The following TICRR variants were observed in gnomAD, a reference collection of about 807,000 sequenced individuals.
The protein encoded by TICRR is treslin.
Under a neutral mutation model 178.1 loss-of-function variants are expected in TICRR, and 132 were observed. That is an observed-to-expected ratio of 0.74 (90% CI 0.64 to 0.86). TICRR has a LOEUF of 0.86. Among genes scored for constraint, TICRR ranks in the 40% least tolerant of loss-of-function variants. The pLI is 0.00. For synonymous variants in TICRR, 991 were observed against 900.7 expected, an observed-to-expected ratio of 1.10 and a Z score of -1.79; for missense variants, 2,587 against 2,334.3, an observed-to-expected ratio of 1.11 and a Z score of -2.23.
At chr15:89,587,553 A>G (rs1424224538) in intron 4 of TICRR, among the ~76,000 whole-genome samples, 4 of 152,164 alleles carry the variant, frequency 2.6e-5, no homozygotes, top group African/African-American at 9.7e-5. Context: ...ACAGTCGCTG[A>G]GTTAAAGAAA....
At chr15:89,620,137 G>T (rs1377810446) in intron 18 of TICRR, among the ~76,000 whole-genome samples, 1 of 152,118 alleles carries the variant, frequency 6.6e-6, no homozygotes, top group East Asian at 1.9e-4. Context: ...ATTATCTTAG[G>T]TGGAAGGTGA....
intron 15 of TICRR, among the ~76,000 whole-genome samples, chr15:89,613,643 A>C (rs1156517781): frequency 2.7e-5 from 4 of 150,434 alleles, no homozygotes; most frequent in Non-Finnish European, 5.9e-5. Flanking sequence ...ATCTCAATTA[A>C]CCTTGTCTTC....
chr15:89,602,787 T>A lies in TICRR; in HGVS notation c.2568-9T>A. On this transcript the variant is annotated splice_polypyrimidine_tract_variant and intron_variant, in intron 12 of 21. Transcript: ENST00000268138. ...TCTAGTATGTATTAACTATTTCTAT[T>A]TTTAAAAGGAAAAATGCATTAATAA... The A allele has an allele frequency of 3.5e-6, 5 of 1,426,114 alleles. No homozygotes were observed. Among genetic ancestry groups the A allele is most frequent in the Non-Finnish European group, 3.7e-6 (4 of 1,077,774 alleles). The allele number at this position is 1,426,114 out of a possible 1,614,324, so 88.3% of individuals were successfully genotyped here.
Position 89,624,614 on chromosome 15 carries a change from C to T in TICRR, c.4304C>T (p.Pro1435Leu). 1 of 1,613,830 alleles carries T rather than the reference C, an allele frequency of 6.2e-7. No individual in the cohort carries two copies. The highest frequency in any genetic ancestry group is 8.5e-7 in the Non-Finnish European group (1 of 1,179,904). Residue 1435 changes from proline (P) to leucine (L), a missense_variant, in exon 20 of 22, where the codon CCT becomes CTT. Transcript: ENST00000268138. ...KGLSLSPQSP[P>L]ERRGYPGPGL... ...CTGAGCCTCTCTCCTCAGTCTCCTC[C>T]TGAAAGACGGGGCTACCCAGGCCCT...
chr15:89,609,244 G>A (rs1201509298), intron 15 of TICRR, among the ~76,000 whole-genome samples: 2 of 150,310 alleles, frequency 1.3e-5, no homozygotes, highest in African/African-American at 4.9e-5. Flanking sequence ...CTGAGTAGCT[G>A]GGACTACAGA....
rs965199884 is a variant in TICRR at position 89,608,574 on chromosome 15, C to T, written c.2723-229C>T. 2.6e-5 allele frequency among the ~76,000 whole-genome samples: 4 copies of T among 152,174 alleles called. No homozygotes were observed. In the East Asian group the frequency reaches 7.7e-4, roughly 29 times the overall value. On this transcript the variant is annotated intron_variant, in intron 14 of 21. Coordinates refer to ENST00000268138, the MANE Select transcript of TICRR (RefSeq NM_152259.4). ...CATGCAAAAGAATGACATTGGACCC[C>T]TACCTCATGCAAAATAACATATAAA...
chr15:89,620,040 C>T (rs1963399464), intron 18 of TICRR, among the ~76,000 whole-genome samples, 198 bp downstream of exon 18: 1 of 152,188 alleles, frequency 6.6e-6, no homozygotes, highest in Non-Finnish European at 1.5e-5. Flanking sequence ...ACTCCTACAA[C>T]TGGTCATCCA....
At position 89,623,796 on chromosome 15, in the gene TICRR, A is replaced by T; in HGVS notation, c.3486A>T (p.Ser1162=). ...AGGAGTCCTTAAAAGACTCCTCCTC[A>T]CCCGGCCATGACTCACCATTGGATT... ...AFKESLKDSS[S]PGHDSPLDSK... is the part of the protein sequence containing the mutation. Residue 1162 remains serine, a synonymous_variant, in exon 20 of 22, where the codon TCA becomes TCT. Coordinates refer to ENST00000268138, the MANE Select transcript of TICRR (RefSeq NM_152259.4). 1 of 1,613,792 alleles carries T rather than the reference A, an allele frequency of 6.2e-7. No homozygotes were observed. Among genetic ancestry groups the T allele is most frequent in the Non-Finnish European group, 8.5e-7 (1 of 1,179,966 alleles).
intron 8 of TICRR, 93 bp downstream of exon 8, chr15:89,599,568 TTA>T: frequency 7.9e-7 from 1 of 1,269,024 alleles, no homozygotes; most frequent in Non-Finnish European, 1.1e-6. Context: ...AAAATGTCTG[TTA>T]TGTCATATGT....
In TICRR at chr15:89,591,129, G is replaced by A. The variant is rs554123146; in HGVS notation, c.1412-918G>A. Among the ~76,000 whole-genome samples, 19 of 151,926 alleles carry A rather than the reference G, an allele frequency of 1.3e-4. No individual in the cohort carries two copies. In the South Asian group the frequency reaches 3.7e-3, roughly 30 times the overall value. On this transcript the variant is annotated intron_variant, in intron 4 of 21. Transcript: ENST00000268138. The stretch of plus-strand genomic sequence containing the variant: ...TTATTCTTGTACAAAGCCAATTTTT[G>A]TGTGTGTGTGTGTGAGACGGAGTCT...
chr15:89,579,971 C>G (rs1319982257), intron 1 of TICRR: 1 of 152,210 alleles, frequency 6.6e-6, no homozygotes, highest in African/African-American at 2.4e-5. Flanking sequence ...CACACATTAC[C>G]TTTAATAGAA....
chr15:89,618,356 A>G (rs537119966), intron 17 of TICRR, 146 bp downstream of exon 17: 245 of 742,872 alleles, frequency 3.3e-4, no homozygotes, highest in Non-Finnish European at 4.8e-4. Context: ...GTAAATATTT[A>G]TAAGTGAATG....
In TICRR at chr15:89,627,495, T is replaced by C. The variant is rs1963554681; in HGVS notation, c.*409T>C. On this transcript the variant is annotated 3_prime_UTR_variant, in exon 22 of 22. Coordinates refer to ENST00000268138, the MANE Select transcript of TICRR (RefSeq NM_152259.4). ...TGGGCTGCTGCGACACAGGCAGCGC[T>C]TTGTAAACTGTGAAGCCATATACGT... is the stretch of plus-strand genomic sequence containing the variant. The C allele has an allele frequency of 5.1e-6, 1 of 195,434 alleles. No homozygotes were observed. The highest frequency in any genetic ancestry group is 1.0e-5 in the Non-Finnish European group (1 of 95,846). The allele number at this position is 195,434 out of a possible 1,614,324, so 12.1% of individuals were successfully genotyped here. A position where few individuals can be genotyped will look rare whatever the true frequency, so the allele number is the denominator to read the frequency against.
intron 1 of TICRR, among the ~76,000 whole-genome samples, chr15:89,580,454 A>G (rs1306148618): frequency 6.6e-6 from 1 of 152,224 alleles, no homozygotes; most frequent in South Asian, 2.1e-4. Context: ...ATCAGGATCT[A>G]TGGCGTCTGA....
At position 89,584,265 on chromosome 15, in the gene TICRR, CTAAT is replaced by C. The variant is rs1567040456; in HGVS notation, c.935-16_935-13del. 1 of 1,566,576 alleles carries C rather than the reference CTAAT, an allele frequency of 6.4e-7. No homozygotes were observed. The highest frequency in any genetic ancestry group is 8.6e-7 in the Non-Finnish European group (1 of 1,157,402). On this transcript the variant is annotated splice_polypyrimidine_tract_variant and intron_variant, in intron 2 of 21. Transcript: ENST00000268138. The stretch of plus-strand genomic sequence containing the variant: ...TAAAATTTTAATTTGGCATCCTGGT[CTAAT>C]TAATCTTTATTTCTAGCAGGCAAAG...
chr15:89,585,239 T>G (rs1380522644), intron 3 of TICRR, among the ~76,000 whole-genome samples: 1 of 152,208 alleles, frequency 6.6e-6, no homozygotes, highest in Non-Finnish European at 1.5e-5. Flanking sequence ...GTGATCTGGA[T>G]TAGGTCTCAG....
rs780793353 is a variant in TICRR, at chr15:89,625,718, A to G, written c.5408A>G (p.Lys1803Arg). 1.9e-6 allele frequency: 3 copies of G among 1,613,394 alleles called. No homozygotes were observed. The South Asian group carries it at 3.3e-5, about 18-fold the overall frequency. ...GAAGATTCAGAAGTTAGTAAGAGTA[A>G]AGAGGGGTCTCCAAGTTGGAGTGCA... ...LREDSEVSKS[K>R]EGSPSWSAWQ... is the part of the protein sequence containing the mutation. The change falls in exon 20 of 22, where the codon AAA becomes AGA. Residue 1803 changes from lysine (K) to arginine (R), a missense_variant. By Grantham distance (26) the Lys-to-Arg change is conservative (BLOSUM62 2). Coordinates refer to ENST00000268138, the MANE Select transcript of TICRR (RefSeq NM_152259.4).
chr15:89,582,744 G>A lies in TICRR; in HGVS notation c.713G>A (p.Gly238Glu), dbSNP rs780788390. 14 of 1,614,036 alleles carry A rather than the reference G, an allele frequency of 8.7e-6. No individual in the cohort carries two copies. Among genetic ancestry groups the A allele is most frequent in the African/African-American group, 1.3e-5 (1 of 74,922 alleles). The part of the protein sequence containing the change: ...YWTVCELLHH[G>E]GGTVLPSESF... The stretch of plus-strand genomic sequence containing the variant: ...ACTGTTTGTGAACTGCTCCACCACG[G>A]AGGTGGCACTGTCTTGCCATCTGAA... Residue 238 changes from glycine (G) to glutamate (E), a missense_variant, in exon 2 of 22, where the codon GGA becomes GAA. Physicochemically the swap from Gly to Glu is moderately conservative, Grantham distance 98. Coordinates refer to ENST00000268138, the MANE Select transcript of TICRR (RefSeq NM_152259.4).
chr15:89,625,533 G>C lies in TICRR; in HGVS notation c.5223G>C (p.Glu1741Asp). Residue 1741 changes from glutamate (E) to aspartate (D), a missense_variant, in exon 20 of 22, where the codon GAG (glutamate) becomes GAC (aspartate). Transcript: ENST00000268138. The part of the protein sequence containing the change: ...RTPILEDFEL[E>D]GVCQLPDQSP... ...CCATCTTGGAGGATTTTGAGCTCGA[G>C]GGAGTGTGCCAGCTCCCAGACCAGT... 6.2e-7 allele frequency: 1 copy of C among 1,613,626 alleles called. No individual in the cohort carries two copies. The highest frequency in any genetic ancestry group is 8.5e-7 in the Non-Finnish European group (1 of 1,180,024).
Sources: gnomAD v4.1 joint callset for allele counts (sites outside exome capture counted in the v4.1 genomes callset) on GRCh38, gnomAD v4.1.1 for gene constraint, MANE v1.5 for transcripts, NCBI Gene and HGNC (gene_info 2026-07-23, HGNC 2026-07-21) for gene names.